The following HDAC9 variants were observed in gnomAD, a reference collection of about 807,000 sequenced individuals.
HDAC9 encodes the protein MEF-2 interacting transcription repressor (MITR) protein.
HDAC9 carries 41 observed loss-of-function variants against 139.4 expected under a neutral mutation model. The ratio of observed to expected loss-of-function variants is 0.29; its 90% CI spans 0.23 to 0.38. The LOEUF is 0.38. HDAC9 is among the 10% of genes least tolerant of loss of function. The pLI, the probability that HDAC9 is intolerant of heterozygous loss-of-function variation, is 1.00. For synonymous variants in HDAC9, 517 were observed against 476.2 expected, an observed-to-expected ratio of 1.09 and a Z score of -1.12; for missense variants, 1,147 against 1,297.0, an observed-to-expected ratio of 0.88 and a Z score of 1.78.
At chr7:18,703,330 C>A (rs1370064976) in intron 12 of HDAC9, among the ~76,000 whole-genome samples, 2 of 152,080 alleles carry the variant, frequency 1.3e-5, no homozygotes, top group African/African-American at 4.8e-5. Context: ...CTATTTTCAT[C>A]AAATTATTAT....
intron 2 of HDAC9, among the ~76,000 whole-genome samples, chr7:18,228,193 G>A (rs570407798): frequency 3.9e-5 from 6 of 151,908 alleles, no homozygotes; most frequent in Non-Finnish European, 8.8e-5. Flanking sequence ...AGAATAAAGG[G>A]GGTTGTTTAA....
intron 22 of HDAC9, among the ~76,000 whole-genome samples, chr7:18,891,387 A>G (rs1800667835): frequency 6.6e-6 from 1 of 152,170 alleles, no homozygotes; most frequent in Non-Finnish European, 1.5e-5. Flanking sequence ...CTCTACTTTA[A>G]GAGCTGCATT....
intron 22 of HDAC9, among the ~76,000 whole-genome samples, chr7:18,920,624 G>A (rs896075892): frequency 6.6e-6 from 1 of 152,150 alleles, no homozygotes; most frequent in African/African-American, 2.4e-5. Context: ...GATATTGGCT[G>A]TGGGTTTGTC....
intron 22 of HDAC9, among the ~76,000 whole-genome samples, chr7:18,923,506 C>T (rs934287057): frequency 3.9e-5 from 6 of 151,994 alleles, no homozygotes; most frequent in Admixed American, 3.3e-4. Context: ...CTGGCAACTC[C>T]TCTTTATCTT....
At chr7:18,743,698 AAAAATT>A (rs1373913249) in intron 13 of HDAC9, among the ~76,000 whole-genome samples, 1 of 151,742 alleles carries the variant, frequency 6.6e-6, no homozygotes, top group African/African-American at 2.4e-5. Flanking sequence ...CATAAAATAA[AAAAATT>A]AAAATTAAAA....
chr7:18,767,828 C>T lies in HDAC9; in HGVS notation c.2214+673C>T, dbSNP rs138012616. Among the ~76,000 whole-genome samples, 60 of 152,186 alleles carry T rather than the reference C, an allele frequency of 3.9e-4. 3 individuals are homozygous for T. Among genetic ancestry groups the T allele is most frequent in the Admixed American group, 1.2e-3 (18 of 15,288 alleles). ...AGTAACAAACCATCATCCTGTAGAACTAAGTGTTATGTTAGAACAACATAA... is the reference window on the plus strand; with the variant it reads ...AGTAACAAACCATCATCCTGTAGAATTAAGTGTTATGTTAGAACAACATAA... On this transcript the variant is annotated intron_variant, in intron 16 of 25. Coordinates refer to ENST00000686413, the MANE Select transcript of HDAC9 (RefSeq NM_178425.4).
chr7:18,915,348 A>T (rs990762973), intron 22 of HDAC9, among the ~76,000 whole-genome samples: 1 of 152,044 alleles, frequency 6.6e-6, no homozygotes, highest in Non-Finnish European at 1.5e-5. Context: ...TATCAAAAAG[A>T]TTCCATTTAC....
At chr7:18,366,340 G>T (rs527476344) in intron 1 of HDAC9, among the ~76,000 whole-genome samples, 1 of 152,186 alleles carries the variant, frequency 6.6e-6, no homozygotes, top group African/African-American at 2.4e-5. Context: ...AGAAAATAAT[G>T]GGCTGACATA....
chr7:18,914,159 G>T (rs1405048672), intron 22 of HDAC9, among the ~76,000 whole-genome samples: 1 of 151,628 alleles, frequency 6.6e-6, no homozygotes, highest in Non-Finnish European at 1.5e-5. Context: ...ACAAGGTGCT[G>T]TCTATGCACC....
chr7:18,628,845 GA>G (rs1338281999), intron 6 of HDAC9, among the ~76,000 whole-genome samples: 2 of 152,098 alleles, frequency 1.3e-5, no homozygotes, highest in Non-Finnish European at 2.9e-5. Context: ...TACTGACAAA[GA>G]AATATTCCAG....
At chr7:18,111,718 A>G (rs528574713) in intron 1 of HDAC9, among the ~76,000 whole-genome samples, 39 of 152,274 alleles carry the variant, frequency 2.6e-4, no homozygotes, top group Middle Eastern at 3.4e-3. Flanking sequence ...TGCATTTGCA[A>G]TTGAATTTGG....
At chr7:18,931,975 A>G in intron 22 of HDAC9, among the ~76,000 whole-genome samples, 1 of 152,142 alleles carries the variant, frequency 6.6e-6, no homozygotes. Context: ...CAAAGTGTGA[A>G]CCTCAACTAT....
intron 16 of HDAC9, among the ~76,000 whole-genome samples, chr7:18,789,998 T>C (rs897520684): frequency 1.3e-5 from 2 of 152,096 alleles, no homozygotes; most frequent in African/African-American, 4.8e-5. Context: ...TTTTTACCAT[T>C]GAGAATATTG....
At chr7:18,550,835 AC>A (rs1417976529) in intron 2 of HDAC9, among the ~76,000 whole-genome samples, 1 of 152,216 alleles carries the variant, frequency 6.6e-6, no homozygotes, top group Non-Finnish European at 1.5e-5. Context: ...AGATCTGACT[AC>A]AAAGGGCTTT....
At chr7:18,642,825 A>G (rs539972918) in intron 8 of HDAC9, among the ~76,000 whole-genome samples, 1 of 152,184 alleles carries the variant, frequency 6.6e-6, no homozygotes, top group Middle Eastern at 3.4e-3. Flanking sequence ...GTGGGAGGAT[A>G]TCACAGAAAT....
chr7:18,218,218 C>T (rs1015704958), intron 2 of HDAC9, among the ~76,000 whole-genome samples: 3 of 151,986 alleles, frequency 2.0e-5, no homozygotes, highest in Non-Finnish European at 4.4e-5. Context: ...CTGAGGTGGG[C>T]GGATCACTTG....
chr7:18,117,827 A>G (rs895244218), intron 1 of HDAC9, among the ~76,000 whole-genome samples: 1 of 152,218 alleles, frequency 6.6e-6, no homozygotes, highest in African/African-American at 2.4e-5. Flanking sequence ...GCCCTAGGAA[A>G]GGAATTCAGA....
chr7:18,320,942 G>A (rs1163618502), intron 1 of HDAC9, among the ~76,000 whole-genome samples: 1 of 152,178 alleles, frequency 6.6e-6, no homozygotes, highest in Non-Finnish European at 1.5e-5. Flanking sequence ...ATGGTTTAGA[G>A]GAAGAGAGAA....
intron 16 of HDAC9, among the ~76,000 whole-genome samples, chr7:18,789,600 T>A (rs1445809597): frequency 1.3e-5 from 2 of 152,170 alleles, no homozygotes; most frequent in Non-Finnish European, 2.9e-5. Flanking sequence ...CAGAGCCAAC[T>A]TTATGCCACT....
Sources: allele counts gnomAD v4.1 joint callset (sites outside exome capture counted in the v4.1 genomes callset), GRCh38; gene constraint gnomAD v4.1.1; transcripts MANE v1.5; gene names NCBI Gene and HGNC (gene_info 2026-07-23, HGNC 2026-07-21).